The following TKFC variants were observed in gnomAD, a reference collection of about 807,000 sequenced individuals.
TKFC encodes triokinase and FMN cyclase.
Under a neutral mutation model 61.0 loss-of-function variants are expected in TKFC, and 46 were observed. The observed-to-expected ratio is 0.75, with a 90% CI of 0.60 to 0.96. The LOEUF is 0.96. TKFC is among the 50% of genes least tolerant of loss of function. The pLI is 0.00. For missense variants in TKFC, 715 were observed against 777.5 expected (o/e 0.92, Z 0.96); for synonymous variants, 314 against 330.1 (o/e 0.95, Z 0.53).
downstream of TKFC, chr11:61,351,248 C>T (rs966696991): frequency 7.1e-6 from 9 of 1,274,564 alleles, no homozygotes; most frequent in African/African-American, 4.6e-5. Flanking sequence ...AAAACCTTCC[C>T]GGGTCCATAT....
In TKFC at chr11:61,347,704, G is replaced by C. The variant is rs186494034; in HGVS notation, c.*1201G>C. 1 of 985,320 alleles carries C rather than the reference G, an allele frequency of 1.0e-6. No homozygotes were observed. The highest frequency in any genetic ancestry group is 1.1e-4 in the East Asian group (1 of 8,814). 61.0% of individuals were successfully genotyped at this position (985,320 alleles called of 1,614,324 possible). On this transcript the variant is annotated 3_prime_UTR_variant, in exon 18 of 18. Transcript: ENST00000394900. Reference sequence around the variant, plus strand: ...GGGTAGGGAGTGGTTAAAGGCACTGGCTGTCGACTCATACACATGATCTGA... The same window carrying C: ...GGGTAGGGAGTGGTTAAAGGCACTGCCTGTCGACTCATACACATGATCTGA...
intron 10 of TKFC, chr11:61,343,117 G>T (rs1047258898): frequency 1.1e-5 from 7 of 610,296 alleles, no homozygotes; most frequent in African/African-American, 3.7e-5. Context: ...CACCTGGCAC[G>T]AACTGAGTAA....
At chr11:61,338,893 CCTCT>C (rs1438703193) in intron 3 of TKFC, among the ~76,000 whole-genome samples, 169 bp from the exon 4 acceptor site, 1 of 152,146 alleles carries the variant, frequency 6.6e-6, no homozygotes, top group Admixed American at 6.5e-5. Context: ...TCACAGAAGG[CCTCT>C]CTAAGATGCC....
chr11:61,350,943 C>T, downstream of TKFC: 1 of 1,573,680 alleles, frequency 6.4e-7, no homozygotes, highest in Non-Finnish European at 8.6e-7. Flanking sequence ...AGATCCTTCT[C>T]TAGACCTGGC....
chr11:61,349,742 C>T (rs916649903), downstream of TKFC: 86 of 669,930 alleles, frequency 1.3e-4, 2 homozygotes, highest in Admixed American at 1.6e-3. Context: ...GCAGAAGCTG[C>T]GTGGGCCGCC....
At chr11:61,341,980 C>A in intron 7 of TKFC, 68 bp downstream of exon 7, 1 of 1,431,206 alleles carries the variant, frequency 7.0e-7, no homozygotes, top group Non-Finnish European at 9.6e-7. Context: ...ACCTTGCATA[C>A]CCTTAGAGCC....
chr11:61,350,528 A>T, downstream of TKFC: 1 of 1,435,752 alleles, frequency 7.0e-7, no homozygotes, highest in East Asian at 2.4e-5. Flanking sequence ...TCCCCATCCA[A>T]GCCACCAAAT....
In TKFC at chr11:61,347,461, C is replaced by T. The variant is rs139844674; in HGVS notation, c.*958C>T. The T allele has an allele frequency of 1.0e-5, 10 of 968,950 alleles. No individual in the cohort carries two copies. The East Asian group carries it at 1.1e-3, about 111-fold the overall frequency. The allele number at this position is 968,950 out of a possible 1,614,324, so 60.0% of individuals were successfully genotyped here. A position where few individuals can be genotyped will look rare whatever the true frequency, so the allele number is the denominator to read the frequency against. The stretch of plus-strand genomic sequence containing the variant: ...GGCTGAGTTGGGAGGATGGCTTGGG[C>T]CCAGGAGGTCGAGGCTGCGGTGAGC... On this transcript the variant is annotated 3_prime_UTR_variant, in exon 18 of 18. Coordinates refer to ENST00000394900, the MANE Select transcript of TKFC (RefSeq NM_015533.4).
intron 7 of TKFC, chr11:61,342,239 C>T (rs1856887726): frequency 3.1e-6 from 2 of 634,992 alleles, no homozygotes; most frequent in South Asian, 1.9e-5. Flanking sequence ...TTTCTTTCCT[C>T]GCCTGTGCTT....
chr11:61,341,573 G>A (rs1041256217), intron 6 of TKFC, 59 bp downstream of exon 6: 18 of 1,530,092 alleles, frequency 1.2e-5, no homozygotes, highest in East Asian at 9.8e-5. Context: ...GCCCTGGGGC[G>A]AGGAGCAGGT....
chr11:61,339,168 C>A lies in TKFC; in HGVS notation c.296C>A (p.Ala99Asp), dbSNP rs1856744477. The change falls in exon 4 of 18, where the codon GCC becomes GAC. Residue 99 changes from alanine (A) to aspartate (D), a missense_variant. Coordinates refer to ENST00000394900, the MANE Select transcript of TKFC (RefSeq NM_015533.4). Reference protein sequence around the residue: ...ILAAIRAVAQAGTVGTLLIVK... With the variant: ...ILAAIRAVAQDGTVGTLLIVK... ...GCAGCCATCAGGGCCGTGGCCCAGG[C>A]CGGCACAGGTAAGCCTGGCATGCAG... is the stretch of plus-strand genomic sequence containing the variant. 6.2e-7 allele frequency: 1 copy of A among 1,613,550 alleles called. No homozygotes were observed. Among genetic ancestry groups the A allele is most frequent in the African/African-American group, 1.3e-5 (1 of 75,070 alleles).
At chr11:61,342,429 A>C (rs1375809438) in intron 7 of TKFC, 32 bp from the exon 8 acceptor site, 1 of 1,613,792 alleles carries the variant, frequency 6.2e-7, no homozygotes, top group Non-Finnish European at 8.5e-7. Flanking sequence ...CCAGGCCTTG[A>C]GTGGGTCAGC....
Position 61,334,652 on chromosome 11 carries a change from A to T in TKFC, c.-77A>T. On this transcript the variant is annotated 5_prime_UTR_variant, in exon 2 of 18. Coordinates refer to ENST00000394900, the MANE Select transcript of TKFC (RefSeq NM_015533.4). ...TGCTGCCTCCACTGTACTCAGACCC[A>T]GGTAGCACAGGATTGTCCATCCTCC... 1.2e-6 allele frequency: 2 copies of T among 1,605,638 alleles called. No homozygotes were observed. Among genetic ancestry groups the T allele is most frequent in the Non-Finnish European group, 1.7e-6 (2 of 1,173,586 alleles).
In TKFC at chr11:61,346,248, G is replaced by A; in HGVS notation, c.1576-103G>A. The A allele has an allele frequency of 3.8e-6, 6 of 1,583,226 alleles. No homozygotes were observed. Among genetic ancestry groups the A allele is most frequent in the South Asian group, 1.1e-5 (1 of 88,526 alleles). On this transcript the variant is annotated intron_variant, in intron 17 of 17. Coordinates refer to ENST00000394900, the MANE Select transcript of TKFC (RefSeq NM_015533.4). The surrounding 1 kb of genome is among the most constrained non-coding windows in gnomAD (Gnocchi z 4.1). ...AGGGTGCTGGCAGAGCCAGGGCAAG[G>A]GCGTGCAGGGCCAGGCTGCACGGCA... is the stretch of plus-strand genomic sequence containing the variant.
downstream of TKFC, chr11:61,351,343 G>A (rs1371718509): frequency 2.0e-6 from 1 of 501,004 alleles, no homozygotes. Context: ...GGGCTGGAGT[G>A]CAGTGGCACG....
chr11:61,350,756 T>A (rs1002967552), downstream of TKFC: 11 of 612,216 alleles, frequency 1.8e-5, no homozygotes, highest in Non-Finnish European at 2.7e-5. Flanking sequence ...CCACAGTGAT[T>A]TGGGGGGGAA....
At chr11:61,353,236 C>G (rs566318163), downstream of TKFC, 4,518 of 1,436,566 alleles carry the variant, frequency 3.1e-3, 12 homozygotes, top group Non-Finnish European at 4.0e-3. Flanking sequence ...CTCCCTGGCT[C>G]TTCTTTCACA....
At chr11:61,337,537 G>A (rs541819643) in intron 2 of TKFC, among the ~76,000 whole-genome samples, 4 of 152,274 alleles carry the variant, frequency 2.6e-5, no homozygotes, top group East Asian at 1.9e-4. Context: ...AGGGAGCAGC[G>A]GTGGCTGTGG....
At chr11:61,343,100 C>CG (rs1486608716) in intron 10 of TKFC, 2 of 608,462 alleles carry the variant, frequency 3.3e-6, no homozygotes. Context: ...CTCAACACAG[C>CG]GCCCAGCACC....
Sources: gnomAD v4.1 joint callset for allele counts (sites outside exome capture counted in the v4.1 genomes callset) on GRCh38, gnomAD v4.1.1 for gene constraint, Gnocchi (gnomAD v3.1) non-coding constraint, MANE v1.5 for transcripts, NCBI Gene and HGNC (gene_info 2026-07-23, HGNC 2026-07-21) for gene names.